The following TLN2 variants were observed in gnomAD, a reference collection of about 807,000 sequenced individuals.
TLN2 encodes the protein talin 2, also known as talin-2.
TLN2 carries 118 observed loss-of-function variants against 294.7 expected under a neutral mutation model. The observed-to-expected ratio is 0.40, with a 90% CI of 0.34 to 0.47. The LOEUF (loss-of-function observed/expected upper bound fraction) is 0.47, where lower values mean the gene tolerates loss of function less well. TLN2 is among the 20% of genes least tolerant of loss of function. The pLI is 0.84. For synonymous variants in TLN2, 1,431 were observed against 1,304.5 expected (o/e 1.10, Z -2.09); for missense variants, 3,083 against 3,282.2 (o/e 0.94, Z 1.48).
chr15:62,781,954 A>G (rs1387632896), intron 44 of TLN2, among the ~76,000 whole-genome samples: 3 of 152,260 alleles, frequency 2.0e-5, no homozygotes, highest in Non-Finnish European at 4.4e-5. Context: ...ACGAAAGATG[A>G]CAAATGTTGT....
At chr15:62,705,864 C>T (rs1298751551) in intron 19 of TLN2, among the ~76,000 whole-genome samples, 2 of 152,206 alleles carry the variant, frequency 1.3e-5, no homozygotes, top group Non-Finnish European at 2.9e-5. Flanking sequence ...CAGGAAACAT[C>T]ACAGACCTGA....
chr15:62,770,812 G>C (rs2063308345), intron 41 of TLN2, 152 bp from the exon 42 acceptor site: 3 of 875,744 alleles, frequency 3.4e-6, no homozygotes, highest in Admixed American at 2.9e-5. Flanking sequence ...CCATTAATTA[G>C]CAAGCACTTT....
intron 1 of TLN2, among the ~76,000 whole-genome samples, chr15:62,391,566 G>A (rs1334650546): frequency 6.6e-6 from 1 of 152,228 alleles, no homozygotes; most frequent in Non-Finnish European, 1.5e-5. Context: ...GGGAGGGGGC[G>A]AGCAGTTTCT....
intron 3 of TLN2, among the ~76,000 whole-genome samples, chr15:62,636,960 C>G (rs2050439537): frequency 6.6e-6 from 1 of 152,104 alleles, no homozygotes; most frequent in Admixed American, 6.5e-5. Flanking sequence ...AACAAAGCTT[C>G]CCCCACCCCA....
rs1338201308 is a variant in TLN2, at chr15:62,491,349, TATACACACACACACAC to T, written c.-237-98336_-237-98321del. Among the ~76,000 whole-genome samples, 75 of 84,564 alleles carry T rather than the reference TATACACACACACACAC, an allele frequency of 8.9e-4. No homozygotes were observed. The East Asian group carries it at 0.015, about 17-fold the overall frequency. 55.5% of individuals were successfully genotyped at this position (84,564 alleles called of 152,430 possible). On this transcript the variant is annotated intron_variant, in intron 1 of 58. Transcript: ENST00000636159. ...CTCAAAAAAAAAAAATATATATATA[TATACACACACACACAC>T]ACACACACACACACACACACACACA...
intron 58 of TLN2, among the ~76,000 whole-genome samples, chr15:62,840,164 C>T (rs939651946): frequency 2.0e-5 from 3 of 152,208 alleles, no homozygotes; most frequent in African/African-American, 7.2e-5. Flanking sequence ...ACAGGGCATG[C>T]TTCACAGGGC....
intron 3 of TLN2, chr15:62,637,035 C>T (rs889001802): frequency 1.4e-4 from 22 of 152,292 alleles, no homozygotes; most frequent in African/African-American, 4.3e-4. Flanking sequence ...TGACAAAGCT[C>T]GTGTTGCTCA....
intron 9 of TLN2, among the ~76,000 whole-genome samples, chr15:62,667,223 C>A (rs1026727508): frequency 6.6e-6 from 1 of 152,306 alleles, no homozygotes; most frequent in East Asian, 1.9e-4. Context: ...GCCTTGGCCT[C>A]CCAAAGTGCT....
intron 52 of TLN2, among the ~76,000 whole-genome samples, chr15:62,814,720 G>GT (rs1051872159): frequency 2.2e-4 from 34 of 152,150 alleles, no homozygotes; most frequent in Non-Finnish European, 3.7e-4. Context: ...CAAGTTCCTG[G>GT]TGAAAAATTA....
At chr15:62,633,186 C>T (rs1277108969) in intron 3 of TLN2, among the ~76,000 whole-genome samples, 1 of 152,178 alleles carries the variant, frequency 6.6e-6, no homozygotes, top group African/African-American at 2.4e-5. Context: ...CAGATATGCC[C>T]TGGTTAGAGT....
At chr15:62,829,976 C>CT (rs1416247037) in intron 54 of TLN2, 6 of 152,296 alleles carry the variant, frequency 3.9e-5, no homozygotes, top group East Asian at 1.9e-4. Flanking sequence ...GGATCTCACT[C>CT]TTTTTTATGG....
At chr15:62,533,537 T>C (rs1381184488) in intron 1 of TLN2, among the ~76,000 whole-genome samples, 5 of 152,104 alleles carry the variant, frequency 3.3e-5, no homozygotes, top group Admixed American at 6.6e-5. Flanking sequence ...GATAAGCACA[T>C]CTATATAGAA....
At chr15:62,739,735 T>C (rs1250136978) in intron 31 of TLN2, among the ~76,000 whole-genome samples, 190 bp downstream of exon 31, 2 of 152,230 alleles carry the variant, frequency 1.3e-5, no homozygotes, top group Admixed American at 6.5e-5. Flanking sequence ...TATCAGCTTA[T>C]GCATGAGGTG....
intron 1 of TLN2, among the ~76,000 whole-genome samples, chr15:62,440,323 C>A (rs552248051): frequency 6.6e-6 from 1 of 152,314 alleles, no homozygotes; most frequent in African/African-American, 2.4e-5. Flanking sequence ...AAACTCCTTG[C>A]ATTTAAGATT....
intron 46 of TLN2, among the ~76,000 whole-genome samples, chr15:62,793,664 C>T (rs2065240202): frequency 6.6e-6 from 1 of 152,094 alleles, no homozygotes; most frequent in Admixed American, 6.5e-5. Flanking sequence ...CTCTTCTATT[C>T]TCCCCCAGTA....
chr15:62,739,688 G>C, intron 31 of TLN2, 143 bp downstream of exon 31: 1 of 938,846 alleles, frequency 1.1e-6, no homozygotes, highest in East Asian at 2.7e-5. Flanking sequence ...TGCTTAGGAA[G>C]CTCATGCCCT....
At chr15:62,430,015 T>G (rs1172989449) in intron 1 of TLN2, among the ~76,000 whole-genome samples, 1 of 152,262 alleles carries the variant, frequency 6.6e-6, no homozygotes, top group African/African-American at 2.4e-5. Flanking sequence ...GATTTTATGA[T>G]GATTCCAATT....
In TLN2 at chr15:62,441,679, G is replaced by T. The variant is rs1437683657; in HGVS notation, c.-238+50994G>T. Among the ~76,000 whole-genome samples, 11 of 152,286 alleles carry T rather than the reference G, an allele frequency of 7.2e-5. No individual in the cohort carries two copies. The East Asian group carries it at 2.1e-3, about 29-fold the overall frequency. ...TAGGGTCAGATCCCATAGGTTGAGG[G>T]TTTAGCCCCACAAGATTGCCCACTT... is the stretch of plus-strand genomic sequence containing the variant. On this transcript the variant is annotated intron_variant, in intron 1 of 58. Transcript: ENST00000636159.
chr15:62,655,519 G>A (rs962789050), intron 7 of TLN2, among the ~76,000 whole-genome samples: 9 of 152,230 alleles, frequency 5.9e-5, no homozygotes, highest in Admixed American at 5.9e-4. Flanking sequence ...CACTTTATTA[G>A]GTGAGACTGG....
Sources: gnomAD v4.1 joint callset for allele counts (sites outside exome capture counted in the v4.1 genomes callset) on GRCh38, gnomAD v4.1.1 for gene constraint, MANE v1.5 for transcripts, NCBI Gene and HGNC (gene_info 2026-07-23, HGNC 2026-07-21) for gene names.